Variants in POLDIP3 observed in about 807,000 individuals in gnomAD.
POLDIP3 encodes polymerase delta-interacting protein 3.
Under a neutral mutation model 45.1 loss-of-function variants are expected in POLDIP3, and 14 were observed. The ratio of observed to expected loss-of-function variants is 0.31; its 90% CI spans 0.20 to 0.49. The LOEUF (loss-of-function observed/expected upper bound fraction) is 0.49, where lower values mean the gene tolerates loss of function less well. Ranked by LOEUF, POLDIP3 falls within the 20% of genes least tolerant of loss-of-function variation. The pLI is 0.99. For missense variants in POLDIP3, 511 were observed against 538.8 expected (o/e 0.95, Z 0.51); for synonymous variants, 223 against 205.2 (o/e 1.09, Z -0.74).
At chr22:42,602,497 CCTCT>C (rs1477277060) in intron 2 of POLDIP3, among the ~76,000 whole-genome samples, 1 of 152,172 alleles carries the variant, frequency 6.6e-6, no homozygotes, top group East Asian at 1.9e-4. Flanking sequence ...TTTGTCCTTT[CCTCT>C]CTCTTTCTTC....
In POLDIP3 at chr22:42,605,022, A is replaced by T. The variant is rs1411615764; in HGVS notation, c.60-1862T>A. 2.0e-5 allele frequency among the ~76,000 whole-genome samples: 3 copies of T among 152,232 alleles called. 1 individual carries two copies. In the East Asian group the frequency reaches 5.8e-4, roughly 29 times the overall value. On this transcript the variant is annotated intron_variant, in intron 1 of 8. Transcript: ENST00000252115. ...CATGTCAGGACTCAGCAAAAAGACC[A>T]TCTACAACCAGGAAGCAGGCAGGCC...
At position 42,596,359 on chromosome 22, in the gene POLDIP3, G is replaced by C. The variant is rs1925991161; in HGVS notation, c.640C>G (p.Leu214Val). The C allele has an allele frequency of 6.2e-7, 1 of 1,613,536 alleles. No individual in the cohort carries two copies. The highest frequency in any genetic ancestry group is 8.5e-7 in the Non-Finnish European group (1 of 1,179,828). ...GACATGGAAAGCTTGGAACTGCTTA[G>C]CCCAGCCTAAACGAAGAGACAGAAA... ...SGGFLHHMAG[L>V]SSSKLSMSKA... Residue 214 changes from leucine to valine, a missense_variant, in exon 5 of 9, where the codon CTA becomes GTA. Leu to Val is a conservative substitution (Grantham distance 32, BLOSUM62 1). Transcript: ENST00000252115.
rs1364309783 is a variant in POLDIP3 at position 42,595,543 on chromosome 22, GTCCT to G, written c.881_884del (p.Glu294AlafsTer22). ...GGTAGGTCACAGTACTTACAACAAT[GTCCT>G]CCTCAGTGACTCGAGGGTGCAGATT... On this transcript the variant is annotated frameshift_variant, in exon 6 of 9. Coordinates refer to ENST00000252115, the MANE Select transcript of POLDIP3 (RefSeq NM_032311.5). LOFTEE classifies it high-confidence loss of function. 6.2e-7 allele frequency: 1 copy of G among 1,613,612 alleles called. No individual in the cohort carries two copies. The highest frequency in any genetic ancestry group is 8.5e-7 in the Non-Finnish European group (1 of 1,179,532).
intron 3 of POLDIP3, 131 bp downstream of exon 3, chr22:42,601,839 C>CCA (rs1926399109): frequency 2.7e-6 from 3 of 1,119,948 alleles, no homozygotes; most frequent in Admixed American, 5.5e-5. Flanking sequence ...TCCAATACTA[C>CCA]CAACTGGGAA....
At chr22:42,586,445 G>A (rs1003750100) in intron 8 of POLDIP3, among the ~76,000 whole-genome samples, 2 of 151,824 alleles carry the variant, frequency 1.3e-5, no homozygotes, top group African/African-American at 2.4e-5. Flanking sequence ...CTCCCACCTC[G>A]GCCCCCCAAG....
At chr22:42,594,531 CAA>C (rs1462119914) in intron 6 of POLDIP3, among the ~76,000 whole-genome samples, 1 of 152,068 alleles carries the variant, frequency 6.6e-6, no homozygotes, top group Non-Finnish European at 1.5e-5. Flanking sequence ...CAAAACAAAA[CAA>C]AAAGATTTAA....
intron 1 of POLDIP3, among the ~76,000 whole-genome samples, chr22:42,607,883 T>A (rs1263096696): frequency 1.3e-5 from 2 of 148,714 alleles, no homozygotes; most frequent in Admixed American, 6.7e-5. Flanking sequence ...AGCCGCCCCG[T>A]CTGGGAAGTG....
intron 2 of POLDIP3, 120 bp from the exon 3 acceptor site, chr22:42,602,176 TA>T: frequency 2.7e-6 from 4 of 1,488,516 alleles, no homozygotes; most frequent in Non-Finnish European, 3.7e-6. Flanking sequence ...TAAAAGGCAC[TA>T]CAGAGGGCCT....
chr22:42,598,900 C>A (rs866225231), intron 4 of POLDIP3, among the ~76,000 whole-genome samples: 28 of 152,240 alleles, frequency 1.8e-4, no homozygotes, highest in African/African-American at 6.8e-4. Flanking sequence ...TTCTTTCCTT[C>A]TCTGCATGAT....
At chr22:42,613,762 A>G (rs777686950) in intron 1 of POLDIP3, among the ~76,000 whole-genome samples, 19 of 152,176 alleles carry the variant, frequency 1.2e-4, no homozygotes, top group Admixed American at 2.6e-4. Flanking sequence ...CCCCGTCTCA[A>G]AAAAAACATA....
Position 42,585,056 on chromosome 22 carries a change from GAA to G in POLDIP3, c.*733_*734del, listed in dbSNP as rs1461184486. 6 of 454,084 alleles carry G rather than the reference GAA, an allele frequency of 1.3e-5. No individual in the cohort carries two copies. The highest frequency in any genetic ancestry group is 1.0e-4 in the African/African-American group (5 of 49,928). 28.1% of individuals were successfully genotyped at this position (454,084 alleles called of 1,614,324 possible). On this transcript the variant is annotated 3_prime_UTR_variant, in exon 9 of 9. Transcript: ENST00000252115. ...CCTCCCAGCAAAGACACCCAGAAGG[GAA>G]AGAGAGCTGGGGTGGGGCATTCAGC... is the stretch of plus-strand genomic sequence containing the variant.
At chr22:42,588,944 T>A (rs563273880) in intron 7 of POLDIP3, among the ~76,000 whole-genome samples, 1 of 152,108 alleles carries the variant, frequency 6.6e-6, no homozygotes, top group South Asian at 2.1e-4. Context: ...GAGAAAAAGA[T>A]TGAAAGTAAG....
At chr22:42,607,124 TCC>T (rs1926780771) in intron 1 of POLDIP3, among the ~76,000 whole-genome samples, 1 of 151,542 alleles carries the variant, frequency 6.6e-6, no homozygotes, top group Non-Finnish European at 1.5e-5. Flanking sequence ...AAAAATTCCC[TCC>T]CCCTCCCCCT....
chr22:42,586,659 T>G (rs1925333334), intron 8 of POLDIP3, among the ~76,000 whole-genome samples: 2 of 152,224 alleles, frequency 1.3e-5, no homozygotes, highest in Non-Finnish European at 1.5e-5. Flanking sequence ...TATTTCTTAT[T>G]CCTTGAACAC....
chr22:42,591,316 G>T (rs1407024724), intron 7 of POLDIP3, among the ~76,000 whole-genome samples: 1 of 152,162 alleles, frequency 6.6e-6, no homozygotes, highest in Non-Finnish European at 1.5e-5. Flanking sequence ...ACCCAGGGGA[G>T]TTCACCCAGG....
At chr22:42,600,940 C>T (rs1926325780) in intron 3 of POLDIP3, among the ~76,000 whole-genome samples, 1 of 151,418 alleles carries the variant, frequency 6.6e-6, no homozygotes, top group Non-Finnish European at 1.5e-5. Flanking sequence ...TCCATCTCTA[C>T]AAAAATTAGC....
At chr22:42,607,900 G>T (rs994972016) in intron 1 of POLDIP3, among the ~76,000 whole-genome samples, 24 of 151,230 alleles carry the variant, frequency 1.6e-4, no homozygotes, top group African/African-American at 5.4e-4. Flanking sequence ...AGTGAGGAGC[G>T]TCTCCGCCCG....
intron 7 of POLDIP3, 33 bp from the exon 8 acceptor site, chr22:42,587,605 A>T (rs916459942): frequency 1.3e-6 from 2 of 1,589,376 alleles, no homozygotes; most frequent in Non-Finnish European, 1.7e-6. Flanking sequence ...AGGCTCTGCT[A>T]TGAGACCTCG....
chr22:42,585,781 A>C lies in POLDIP3; in HGVS notation c.*10T>G. ...CTCTGCCCCCACTTCTGGCTGCCTC[A>C]CTCCCCTGCTCAAAGCTTGATTTTG... On this transcript the variant is annotated 3_prime_UTR_variant, in exon 9 of 9. Transcript: ENST00000252115. The C allele has an allele frequency of 1.9e-6, 3 of 1,607,516 alleles. No homozygotes were observed. Among genetic ancestry groups the C allele is most frequent in the South Asian group, 2.2e-5 (2 of 90,514 alleles).
Sources: gnomAD v4.1 joint callset for allele counts (sites outside exome capture counted in the v4.1 genomes callset) on GRCh38, gnomAD v4.1.1 for gene constraint, MANE v1.5 for transcripts, NCBI Gene and HGNC (gene_info 2026-07-23, HGNC 2026-07-21) for gene names.